Variants in CCNJL observed in about 807,000 individuals in gnomAD.
CCNJL encodes cyclin-J-like protein.
In CCNJL, 33 loss-of-function variants were observed where a neutral mutation model predicts 33.4. The observed-to-expected ratio is 0.99, with a 90% CI of 0.75 to 1.32. CCNJL has a LOEUF of 1.32. Ranked by LOEUF, CCNJL falls within the 40% of genes most tolerant of loss-of-function variation. The pLI, the probability that CCNJL is intolerant of heterozygous loss-of-function variation, is 0.00. For missense variants in CCNJL, 512 were observed against 499.7 expected (o/e 1.02, Z -0.23); for synonymous variants, 227 against 220.9 (o/e 1.03, Z -0.24).
chr5:160,251,359 C>A lies in CCNJL; in HGVS notation c.*2019G>T, dbSNP rs544279629. On this transcript the variant is annotated 3_prime_UTR_variant, in exon 6 of 6. Transcript: ENST00000257536. ...CACAAATTTTAGACCACAGCCTCTG[C>A]AATCACATGAGCCAATTCCTTAAAA... 2 of 152,348 alleles carry A rather than the reference C, an allele frequency of 1.3e-5. No homozygotes were observed. Among genetic ancestry groups the A allele is most frequent in the Non-Finnish European group, 2.9e-5 (2 of 68,058 alleles). The allele number at this position is 152,348 out of a possible 1,614,324, so 9.4% of individuals were successfully genotyped here. A position where few individuals can be genotyped will look rare whatever the true frequency, so the allele number is the denominator to read the frequency against.
At chr5:160,296,846 G>C (rs1462129831) in intron 2 of CCNJL, among the ~76,000 whole-genome samples, 1 of 152,174 alleles carries the variant, frequency 6.6e-6, no homozygotes, top group Non-Finnish European at 1.5e-5. Context: ...CCTCCTCCTT[G>C]AAGCTTTTTA....
At chr5:160,267,643 T>C (rs1266230551) in intron 3 of CCNJL, among the ~76,000 whole-genome samples, 5 of 152,218 alleles carry the variant, frequency 3.3e-5, no homozygotes, top group African/African-American at 9.7e-5. Flanking sequence ...GGAACTTCCA[T>C]GGATGTGTCA....
Position 160,259,646 on chromosome 5 carries a change from C to T in CCNJL, c.406G>A (p.Glu136Lys). ...ELLSTELLLL[E>K]AFSWNLCLPT... Reference sequence around the variant, plus strand: ...AGGCAGAGGTTCCAGCTGAAGGCCTCCAGGAGCAGCAGCTCTGTGCTCAGC... The same window carrying T: ...AGGCAGAGGTTCCAGCTGAAGGCCTTCAGGAGCAGCAGCTCTGTGCTCAGC... The change falls in exon 4 of 6, where the codon GAG becomes AAG. Residue 136 changes from glutamate to lysine, a missense_variant. By Grantham distance (56) the Glu-to-Lys change is moderately conservative (BLOSUM62 1). Coordinates refer to ENST00000257536, the MANE Select transcript of CCNJL (RefSeq NM_001308173.3). The T allele has an allele frequency of 6.2e-7, 1 of 1,614,112 alleles. No homozygotes were observed. Among genetic ancestry groups the T allele is most frequent in the South Asian group, 1.1e-5 (1 of 91,064 alleles).
At chr5:160,322,665 T>A (rs915374225) in intron 1 of CCNJL, among the ~76,000 whole-genome samples, 7 of 152,120 alleles carry the variant, frequency 4.6e-5, no homozygotes, top group Non-Finnish European at 1.0e-4. Flanking sequence ...CCCAGCACTT[T>A]GGGAGGCTGA....
At chr5:160,268,588 A>C (rs772597181) in intron 3 of CCNJL, among the ~76,000 whole-genome samples, 2 of 152,196 alleles carry the variant, frequency 1.3e-5, no homozygotes, top group African/African-American at 4.8e-5. Flanking sequence ...GGGACAAAGC[A>C]AGAAAACCCT....
At chr5:160,257,805 CATGCAGTAAATGCTCAGTTA>C (rs1761135643) in intron 4 of CCNJL, among the ~76,000 whole-genome samples, 1 of 151,302 alleles carries the variant, frequency 6.6e-6, no homozygotes, top group African/African-American at 2.4e-5. Context: ...AGACACTTGG[CATGCAGTAAATGCTCAGTTA>C]ATGCTTGGGA....
chr5:160,314,417 A>G (rs1368387280), upstream of CCNJL, among the ~76,000 whole-genome samples: 1 of 152,240 alleles, frequency 6.6e-6, no homozygotes, highest in African/African-American at 2.4e-5. Context: ...GTTGGGGGAA[A>G]AAAGTAAAAC....
intron 1 of CCNJL, among the ~76,000 whole-genome samples, chr5:160,324,514 A>T (rs1763511158): frequency 6.6e-6 from 1 of 152,204 alleles, no homozygotes; most frequent in Non-Finnish European, 1.5e-5. Context: ...TGAAAGTTGC[A>T]GTGAGCTGAA....
chr5:160,282,988 T>TAC (rs1333717277), intron 2 of CCNJL, among the ~76,000 whole-genome samples: 8 of 60,238 alleles, frequency 1.3e-4, no homozygotes, highest in African/African-American at 4.4e-4. Flanking sequence ...TATATATATA[T>TAC]ATATATATAT....
intron 1 of CCNJL, among the ~76,000 whole-genome samples, chr5:160,329,208 A>G (rs1311763557): frequency 6.6e-6 from 1 of 152,208 alleles, no homozygotes; most frequent in African/African-American, 2.4e-5. Flanking sequence ...AGACCAGATC[A>G]AACCAGAATG....
Position 160,298,901 on chromosome 5 carries a change from G to GA in CCNJL, c.66+12956dup, listed in dbSNP as rs571212670. Among the ~76,000 whole-genome samples the GA allele has an allele frequency of 1.9e-3, 295 of 152,008 alleles. 3 individuals are homozygous for GA. Among genetic ancestry groups the GA allele is most frequent in the African/African-American group, 6.7e-3 (277 of 41,474 alleles). On this transcript the variant is annotated intron_variant, in intron 2 of 5. Coordinates refer to ENST00000257536, the MANE Select transcript of CCNJL (RefSeq NM_001308173.3). ...TGTTTTCTCTGAAAATCAATGGCAT[G>GA]AAAAAAAATATTTTCAGGCAGGGTA... is the stretch of plus-strand genomic sequence containing the variant.
intron 1 of CCNJL, among the ~76,000 whole-genome samples, chr5:160,337,215 C>T (rs1427827935): frequency 1.3e-5 from 2 of 150,848 alleles, no homozygotes; most frequent in Non-Finnish European, 2.9e-5. Flanking sequence ...AGGTTTTCAC[C>T]ATGTTGCCCA....
chr5:160,310,584 C>T (rs1405186371), intron 2 of CCNJL, among the ~76,000 whole-genome samples: 2 of 152,142 alleles, frequency 1.3e-5, no homozygotes, highest in Non-Finnish European at 2.9e-5. Flanking sequence ...CCTTTTCCTC[C>T]CTGTATTGGG....
intron 2 of CCNJL, among the ~76,000 whole-genome samples, chr5:160,295,770 C>T (rs1383267318): frequency 6.6e-6 from 1 of 152,168 alleles, no homozygotes; most frequent in African/African-American, 2.4e-5. Flanking sequence ...GGACCTTCCC[C>T]TAGAGCCTTC....
At chr5:160,290,166 C>A (rs1218099126) in intron 2 of CCNJL, among the ~76,000 whole-genome samples, 1 of 152,192 alleles carries the variant, frequency 6.6e-6, no homozygotes, top group Non-Finnish European at 1.5e-5. Flanking sequence ...TAGTGTCCTG[C>A]ACTGCATTAT....
At chr5:160,303,298 C>T (rs1313814780) in intron 2 of CCNJL, among the ~76,000 whole-genome samples, 1 of 152,086 alleles carries the variant, frequency 6.6e-6, no homozygotes, top group African/African-American at 2.4e-5. Context: ...CTCCGTCTCC[C>T]GGGTTCAAGC....
intron 4 of CCNJL, among the ~76,000 whole-genome samples, chr5:160,256,930 A>T (rs569062112): frequency 1.1e-4 from 16 of 151,148 alleles, no homozygotes; most frequent in East Asian, 3.9e-4. Context: ...AAAAAAAAAA[A>T]TTTTTTTTCA....
At chr5:160,302,998 G>A (rs1462563291) in intron 2 of CCNJL, among the ~76,000 whole-genome samples, 3 of 152,082 alleles carry the variant, frequency 2.0e-5, no homozygotes, top group Non-Finnish European at 4.4e-5. Context: ...GGGGACAACG[G>A]TGGCAGGAAG....
At chr5:160,321,878 A>AAG (rs1263278176) in intron 1 of CCNJL, among the ~76,000 whole-genome samples, 1 of 152,166 alleles carries the variant, frequency 6.6e-6, no homozygotes, top group African/African-American at 2.4e-5. Context: ...ATATATTATT[A>AAG]AGATCCTGAA....
Sources: allele counts gnomAD v4.1 joint callset (sites outside exome capture counted in the v4.1 genomes callset), GRCh38; gene constraint gnomAD v4.1.1; transcripts MANE v1.5; gene names NCBI Gene and HGNC (gene_info 2026-07-23, HGNC 2026-07-21).